CPA6: variants seen among roughly 807,000 people sequenced by gnomAD.
CPA6 encodes carboxypeptidase B.
In CPA6, 58 loss-of-function variants were observed where a neutral mutation model predicts 63.3. The ratio of observed to expected loss-of-function variants is 0.92; its 90% CI spans 0.74 to 1.14. The LOEUF is 1.14. Among genes scored for constraint, CPA6 ranks in the 50% most tolerant of loss-of-function variants. The pLI is 0.00. For missense variants in CPA6, 565 were observed against 526.6 expected (o/e 1.07, Z -0.71); for synonymous variants, 185 against 179.0 (o/e 1.03, Z -0.27).
chr8:67,462,125 T>C (rs765130646), intron 8 of CPA6, among the ~76,000 whole-genome samples: 2 of 152,172 alleles, frequency 1.3e-5, no homozygotes, highest in Admixed American at 1.3e-4. Context: ...CATCTATTTT[T>C]TTTTCCCCAG....
intron 1 of CPA6, among the ~76,000 whole-genome samples, chr8:67,715,917 G>T (rs897360393): frequency 2.6e-5 from 4 of 152,146 alleles, no homozygotes; most frequent in Non-Finnish European, 5.9e-5. Flanking sequence ...ACTTTGGGAG[G>T]CCGAGACGGG....
chr8:67,628,737 A>G (rs10092095), intron 1 of CPA6, among the ~76,000 whole-genome samples: 95,738 of 152,186 alleles, frequency 0.63, 30,914 homozygotes, highest in African/African-American at 0.78. Context: ...GTGACTTTAC[A>G]TGAAACAGTG....
chr8:67,545,447 T>C (rs1323553139), intron 2 of CPA6, among the ~76,000 whole-genome samples: 1 of 152,188 alleles, frequency 6.6e-6, no homozygotes, highest in African/African-American at 2.4e-5. Context: ...TTCAGCCCCA[T>C]TGCCTGAACC....
At chr8:67,725,196 G>C (rs139012699) in intron 1 of CPA6, among the ~76,000 whole-genome samples, 154 of 152,326 alleles carry the variant, frequency 1.0e-3, no homozygotes, top group African/African-American at 3.4e-3. Flanking sequence ...CATAGCTGTT[G>C]TAAGAGTTTA....
At chr8:67,551,639 C>T (rs1812940982) in intron 2 of CPA6, among the ~76,000 whole-genome samples, 1 of 152,178 alleles carries the variant, frequency 6.6e-6, no homozygotes, top group Non-Finnish European at 1.5e-5. Context: ...GATATTGATT[C>T]TTCCGATTCT....
At chr8:67,579,541 A>T (rs1443019812) in intron 2 of CPA6, among the ~76,000 whole-genome samples, 1 of 152,240 alleles carries the variant, frequency 6.6e-6, no homozygotes, top group African/African-American at 2.4e-5. Context: ...AAACACATAG[A>T]TTGTTCCAGT....
chr8:67,594,698 A>G (rs984624757), intron 2 of CPA6, among the ~76,000 whole-genome samples: 1 of 152,138 alleles, frequency 6.6e-6, no homozygotes, highest in Admixed American at 6.5e-5. Context: ...TGCATTCTTC[A>G]TGTAGTTCTC....
chr8:67,596,433 T>A (rs1814337030), intron 2 of CPA6, among the ~76,000 whole-genome samples: 1 of 152,246 alleles, frequency 6.6e-6, no homozygotes, highest in African/African-American at 2.4e-5. Context: ...GAAAATAGAT[T>A]ACATTTCCCA....
intron 2 of CPA6, among the ~76,000 whole-genome samples, chr8:67,620,961 T>A (rs1815067179): frequency 1.3e-5 from 2 of 152,200 alleles, no homozygotes; most frequent in South Asian, 4.1e-4. Flanking sequence ...GTGCTTAGAT[T>A]GTGCAAATAA....
intron 2 of CPA6, among the ~76,000 whole-genome samples, chr8:67,573,410 C>G (rs1358784473): frequency 6.6e-6 from 1 of 152,096 alleles, no homozygotes; most frequent in Non-Finnish European, 1.5e-5. Flanking sequence ...AACTGATATA[C>G]AAATTCAGTA....
chr8:67,436,295 G>T (rs1164272503), intron 8 of CPA6, among the ~76,000 whole-genome samples: 2 of 152,018 alleles, frequency 1.3e-5, no homozygotes, highest in Non-Finnish European at 2.9e-5. Context: ...CCAGGGTAGG[G>T]GTTTCCAGCT....
chr8:67,431,960 C>T (rs1473379114), intron 9 of CPA6, among the ~76,000 whole-genome samples: 1 of 152,132 alleles, frequency 6.6e-6, no homozygotes, highest in South Asian at 2.1e-4. Context: ...GGGAATGATT[C>T]TCTTTAATAA....
intron 2 of CPA6, 67 bp from the exon 3 acceptor site, chr8:67,518,114 C>A: frequency 7.0e-7 from 1 of 1,419,304 alleles, no homozygotes; most frequent in South Asian, 1.6e-5. Flanking sequence ...GTCACAATGT[C>A]AAACACATTC....
intron 2 of CPA6, chr8:67,569,910 G>A (rs1813442069): frequency 6.2e-6 from 1 of 162,246 alleles, no homozygotes; most frequent in Non-Finnish European, 1.3e-5. Context: ...TGTACAAGAG[G>A]AGAGTAAAGA....
intron 1 of CPA6, among the ~76,000 whole-genome samples, chr8:67,652,667 A>C (rs1815876396): frequency 6.7e-6 from 1 of 149,614 alleles, no homozygotes; most frequent in South Asian, 2.1e-4. Flanking sequence ...AGGTTGCGAA[A>C]ATTTTCTCCC....
intron 2 of CPA6, among the ~76,000 whole-genome samples, chr8:67,607,210 CTT>C (rs1814677814): frequency 1.0e-5 from 1 of 98,266 alleles, no homozygotes; most frequent in South Asian, 4.6e-4. Flanking sequence ...TCTTCTTCTT[CTT>C]CTTCTTCTTC....
At chr8:67,647,785 C>T (rs527673281) in intron 1 of CPA6, among the ~76,000 whole-genome samples, 2 of 152,288 alleles carry the variant, frequency 1.3e-5, no homozygotes, top group African/African-American at 4.8e-5. Flanking sequence ...CCTGGAGAGA[C>T]TTTTGTCACA....
At chr8:67,443,473 A>G (rs538153512) in intron 8 of CPA6, among the ~76,000 whole-genome samples, 1 of 152,304 alleles carries the variant, frequency 6.6e-6, no homozygotes, top group African/African-American at 2.4e-5. Flanking sequence ...ATCTTGAGCT[A>G]CCATAACTGT....
chr8:67,659,741 T>A (rs533488992), intron 1 of CPA6, among the ~76,000 whole-genome samples: 1 of 152,358 alleles, frequency 6.6e-6, no homozygotes, highest in South Asian at 2.1e-4. Context: ...AGCAAAACTT[T>A]ACATTCCCCA....
Sources: gnomAD v4.1 joint callset for allele counts (sites outside exome capture counted in the v4.1 genomes callset) on GRCh38, gnomAD v4.1.1 for gene constraint, MANE v1.5 for transcripts, NCBI Gene and HGNC (gene_info 2026-07-23, HGNC 2026-07-21) for gene names.